The following NEGR1 variants were observed in gnomAD, a reference collection of about 807,000 sequenced individuals.
NEGR1 encodes the protein IgLON family member 4.
In NEGR1, 10 loss-of-function variants were observed where a neutral mutation model predicts 40.9. That is an observed-to-expected ratio of 0.24 (90% CI 0.15 to 0.42). The LOEUF (loss-of-function observed/expected upper bound fraction) is 0.42. Ranked by LOEUF, NEGR1 falls within the 10% of genes least tolerant of loss-of-function variation. The probability of loss-of-function intolerance (pLI) is 1.00; values close to 1 mark genes in which losing one functional copy is unlikely to be tolerated. For synonymous variants in NEGR1, 185 were observed against 166.8 expected (o/e 1.11, Z -0.84); for missense variants, 352 against 438.9 (o/e 0.80, Z 1.77).
chr1:71,817,163 G>A (rs1457405121), intron 2 of NEGR1, among the ~76,000 whole-genome samples: 1 of 152,014 alleles, frequency 6.6e-6, no homozygotes, highest in Non-Finnish European at 1.5e-5. Context: ...ATGGAGATGT[G>A]CTGTGCCTAC....
intron 5 of NEGR1, among the ~76,000 whole-genome samples, chr1:71,597,627 A>T (rs12564885): frequency 0.25 from 37,990 of 151,408 alleles, 5,949 homozygotes; most frequent in East Asian, 0.56. Flanking sequence ...AAAAATTTTC[A>T]GCATTGTGGC....
intron 1 of NEGR1, among the ~76,000 whole-genome samples, chr1:72,174,916 GACTT>G (rs1397581970): frequency 6.6e-6 from 1 of 151,914 alleles, no homozygotes; most frequent in Non-Finnish European, 1.5e-5. Context: ...AACTCTCTGA[GACTT>G]AGTCATTTTA....
At chr1:71,719,047 G>A (rs1654367834) in intron 3 of NEGR1, among the ~76,000 whole-genome samples, 1 of 152,202 alleles carries the variant, frequency 6.6e-6, no homozygotes, top group Admixed American at 6.5e-5. Flanking sequence ...GTTATAAGGT[G>A]TTATGGAAGA....
intron 6 of NEGR1, among the ~76,000 whole-genome samples, chr1:71,499,214 A>C (rs1646983883): frequency 6.6e-6 from 1 of 152,064 alleles, no homozygotes; most frequent in African/African-American, 2.4e-5. Context: ...TGGGCTCATG[A>C]TATCTTTCCA....
chr1:71,621,615 GT>G (rs1650611040), intron 4 of NEGR1, among the ~76,000 whole-genome samples: 1 of 151,518 alleles, frequency 6.6e-6, no homozygotes, highest in South Asian at 2.1e-4. Flanking sequence ...AAATTATTTG[GT>G]AAAAAAATTT....
chr1:71,673,750 T>C (rs79588542), intron 4 of NEGR1, among the ~76,000 whole-genome samples: 2,106 of 152,250 alleles, frequency 0.014, 23 homozygotes, highest in Middle Eastern at 0.051. Context: ...TCAATGCTTA[T>C]AGTAATTACA....
intron 4 of NEGR1, among the ~76,000 whole-genome samples, chr1:71,654,915 A>G (rs1651832393): frequency 6.6e-6 from 1 of 152,142 alleles, no homozygotes; most frequent in Non-Finnish European, 1.5e-5. Flanking sequence ...AATAGTGATT[A>G]AAAAGGCAAC....
chr1:71,530,889 G>A (rs1647338086), intron 6 of NEGR1, among the ~76,000 whole-genome samples: 1 of 151,232 alleles, frequency 6.6e-6, no homozygotes, highest in Admixed American at 6.6e-5. Context: ...ATGAGGAGGT[G>A]TGTGTGTATG....
intron 6 of NEGR1, among the ~76,000 whole-genome samples, chr1:71,443,420 A>T (rs1001172525): frequency 3.3e-5 from 5 of 152,232 alleles, no homozygotes; most frequent in Non-Finnish European, 7.3e-5. Flanking sequence ...ATTAATATTT[A>T]AACTTTTTGT....
chr1:72,282,500 C>A lies in NEGR1; in HGVS notation c.-6G>T, dbSNP rs12757365. On this transcript the variant is annotated 5_prime_UTR_variant, in exon 1 of 7. Transcript: ENST00000357731. ...ACCAACAGCATCATGTCCATCCCTG[C>A]TAGGGCTGCTCACTCTCCAGCAGCT... 6.2e-6 allele frequency: 10 copies of A among 1,601,408 alleles called. No homozygotes were observed. The highest frequency in any genetic ancestry group is 2.2e-5 in the South Asian group (2 of 90,576).
intron 3 of NEGR1, chr1:71,738,344 AT>A (rs1489838244): frequency 8.4e-6 from 2 of 237,002 alleles, no homozygotes; most frequent in African/African-American, 4.6e-5. Context: ...AACAAGAAAC[AT>A]CCCCAGTGAC....
At chr1:71,952,057 A>G (rs1359669165) in intron 1 of NEGR1, among the ~76,000 whole-genome samples, 1 of 151,860 alleles carries the variant, frequency 6.6e-6, no homozygotes, top group East Asian at 1.9e-4. Flanking sequence ...CCAAGATACA[A>G]CAATTTTGCA....
At chr1:72,226,507 A>G (rs974346647) in intron 1 of NEGR1, among the ~76,000 whole-genome samples, 2 of 152,022 alleles carry the variant, frequency 1.3e-5, no homozygotes, top group Non-Finnish European at 2.9e-5. Context: ...TCTCAATGGC[A>G]AATATTATAG....
At chr1:72,210,920 G>C (rs1653581320) in intron 1 of NEGR1, among the ~76,000 whole-genome samples, 1 of 151,832 alleles carries the variant, frequency 6.6e-6, no homozygotes, top group Non-Finnish European at 1.5e-5. Flanking sequence ...TTTTGGTGTA[G>C]TACAAAAGAA....
chr1:72,014,899 T>G (rs909533725), intron 1 of NEGR1, among the ~76,000 whole-genome samples: 1 of 152,086 alleles, frequency 6.6e-6, no homozygotes, highest in African/African-American at 2.4e-5. Context: ...AAGAGGTCCC[T>G]GAAATATGCC....
chr1:72,082,727 A>C (rs979347806), intron 1 of NEGR1, among the ~76,000 whole-genome samples: 2 of 150,676 alleles, frequency 1.3e-5, no homozygotes, highest in Non-Finnish European at 3.0e-5. Context: ...AAAAAAAAAA[A>C]CTAATGGGTC....
chr1:71,656,513 C>T (rs1041131935), intron 4 of NEGR1, among the ~76,000 whole-genome samples: 5 of 151,988 alleles, frequency 3.3e-5, no homozygotes, highest in African/African-American at 9.7e-5. Context: ...CCCGGGTTCA[C>T]GCCATTCTCC....
At chr1:71,641,390 G>C (rs568015147) in intron 4 of NEGR1, among the ~76,000 whole-genome samples, 1 of 152,104 alleles carries the variant, frequency 6.6e-6, no homozygotes, top group South Asian at 2.1e-4. Context: ...TATAAAGCAG[G>C]TCCCTCGGTG....
intron 1 of NEGR1, among the ~76,000 whole-genome samples, chr1:71,996,956 C>T (rs1207967153): frequency 1.3e-5 from 2 of 151,982 alleles, no homozygotes; most frequent in African/African-American, 2.4e-5. Context: ...CTCCAGTTTG[C>T]TCCCTCCACC....
Sources: gnomAD v4.1 joint callset for allele counts (sites outside exome capture counted in the v4.1 genomes callset) on GRCh38, gnomAD v4.1.1 for gene constraint, MANE v1.5 for transcripts, NCBI Gene and HGNC (gene_info 2026-07-23, HGNC 2026-07-21) for gene names.